FGF9: variants seen among roughly 807,000 people sequenced by gnomAD.
FGF9 encodes fibroblast growth factor 9.
FGF9 carries 3 observed loss-of-function variants against 19.9 expected under a neutral mutation model. That is an observed-to-expected ratio of 0.15 (90% CI 0.07 to 0.39). The LOEUF (loss-of-function observed/expected upper bound fraction) is 0.39, where lower values mean the gene tolerates loss of function less well. FGF9 is among the 10% of genes least tolerant of loss of function. FGF9 has a pLI of 1.00. For synonymous variants in FGF9, 107 were observed against 106.9 expected, an observed-to-expected ratio of 1.00 and a Z score of -0.01; for missense variants, 175 against 256.8, an observed-to-expected ratio of 0.68 and a Z score of 2.18.
chr13:21,677,769 G>A (rs186913473), intron 1 of FGF9, among the ~76,000 whole-genome samples: 7 of 152,308 alleles, frequency 4.6e-5, no homozygotes, highest in Admixed American at 4.6e-4. Context: ...TTATTTTGAC[G>A]TCTCTATTTT....
intron 2 of FGF9, among the ~76,000 whole-genome samples, chr13:21,693,869 C>T (rs576329549): frequency 2.0e-5 from 3 of 152,296 alleles, no homozygotes; most frequent in South Asian, 2.1e-4. Flanking sequence ...GAAGCGTGAA[C>T]GCAGTCTGTG....
intron 1 of FGF9, among the ~76,000 whole-genome samples, chr13:21,676,478 G>C (rs550068241): frequency 6.6e-6 from 1 of 152,292 alleles, no homozygotes; most frequent in East Asian, 1.9e-4. Context: ...GATTGCTTCA[G>C]GTTCTGGAAA....
intron 2 of FGF9, among the ~76,000 whole-genome samples, chr13:21,696,644 C>T (rs1191723076): frequency 1.3e-5 from 2 of 152,168 alleles, no homozygotes; most frequent in Admixed American, 6.5e-5. Context: ...TTCATCCGCA[C>T]ATCTATATAA....
chr13:21,677,523 C>T (rs947430027), intron 1 of FGF9, among the ~76,000 whole-genome samples: 1 of 152,044 alleles, frequency 6.6e-6, no homozygotes, highest in African/African-American at 2.4e-5. Flanking sequence ...CAGCTCCACC[C>T]CAGAGAGAGC....
intron 1 of FGF9, among the ~76,000 whole-genome samples, chr13:21,678,956 C>G (rs1871976853): frequency 6.6e-6 from 1 of 152,040 alleles, no homozygotes; most frequent in Non-Finnish European, 1.5e-5. Context: ...AATAAAATGC[C>G]ACAATTTTAG....
intron 2 of FGF9, among the ~76,000 whole-genome samples, chr13:21,682,733 G>T (rs1872071524): frequency 1.3e-5 from 2 of 150,068 alleles, no homozygotes; most frequent in African/African-American, 4.9e-5. Context: ...TGTAATGTGG[G>T]TTTGAGTGGG....
In FGF9 at chr13:21,671,693, G is replaced by A. The variant is rs1239611206; in HGVS notation, c.-220G>A. 1 of 615,696 alleles carries A rather than the reference G, an allele frequency of 1.6e-6. No homozygotes were observed. The highest frequency in any genetic ancestry group is 2.9e-6 in the Non-Finnish European group (1 of 348,524). The allele number at this position is 615,696 out of a possible 1,614,324, so 38.1% of individuals were successfully genotyped here. A position where few individuals can be genotyped will look rare whatever the true frequency, so the allele number is the denominator to read the frequency against. On this transcript the variant is annotated 5_prime_UTR_variant, in exon 1 of 3. Coordinates refer to ENST00000382353, the MANE Select transcript of FGF9 (RefSeq NM_002010.3). ...TGTCAGTGTGTGAGTATAAAGTGGT[G>A]GTTTCTTAGACTATCAGTGGTTTGA...
In FGF9 at chr13:21,703,127, A is replaced by G. The variant is rs1416069857; in HGVS notation, c.*1692A>G. The G allele has an allele frequency of 6.6e-6, 1 of 152,258 alleles. No individual in the cohort carries two copies. The highest frequency in any genetic ancestry group is 1.5e-5 in the Non-Finnish European group (1 of 68,042). The allele number at this position is 152,258 out of a possible 1,614,324, so 9.4% of individuals were successfully genotyped here. On this transcript the variant is annotated 3_prime_UTR_variant, in exon 3 of 3. Coordinates refer to ENST00000382353, the MANE Select transcript of FGF9 (RefSeq NM_002010.3). ...AAAAAGGAATTTATAACAAATTCTC[A>G]TCTACATATGACACTTTCTAGCCAG...
chr13:21,699,003 A>C (rs569719713), intron 2 of FGF9, among the ~76,000 whole-genome samples: 8 of 152,342 alleles, frequency 5.3e-5, no homozygotes, highest in African/African-American at 1.4e-4. Flanking sequence ...ATGCAAATGG[A>C]AGTAAGGACT....
rs1871760476 is a variant in FGF9, at chr13:21,671,296, C to T, written c.-617C>T. ...TAGCTTTGGACGCCTAAAGTTTCTTCTTCTTTTTGTTTTATTATTATTATC... is the reference window on the plus strand; with the variant it reads ...TAGCTTTGGACGCCTAAAGTTTCTTTTTCTTTTTGTTTTATTATTATTATC... On this transcript the variant is annotated 5_prime_UTR_variant, in exon 1 of 3. Transcript: ENST00000382353. 3 of 343,262 alleles carry T rather than the reference C, an allele frequency of 8.7e-6. No individual in the cohort carries two copies. The highest frequency in any genetic ancestry group is 8.6e-5 in the East Asian group (2 of 23,130). 21.3% of individuals were successfully genotyped at this position (343,262 alleles called of 1,614,324 possible). A position where few individuals can be genotyped will look rare whatever the true frequency, so the allele number is the denominator to read the frequency against.
At position 21,671,340 on chromosome 13, in the gene FGF9, C is replaced by T. The variant is rs998931240; in HGVS notation, c.-573C>T. 2.0e-5 allele frequency: 8 copies of T among 392,094 alleles called. No individual in the cohort carries two copies. The highest frequency in any genetic ancestry group is 3.6e-5 in the Non-Finnish European group (8 of 223,038). The allele number at this position is 392,094 out of a possible 1,614,324, so 24.3% of individuals were successfully genotyped here. Reference sequence around the variant, plus strand: ...TATTATCATTTTTTGGAGGGGGGACCGGGAGGGGAGATTTGTCGCCGCCAC... The same window carrying T: ...TATTATCATTTTTTGGAGGGGGGACTGGGAGGGGAGATTTGTCGCCGCCAC... On this transcript the variant is annotated 5_prime_UTR_variant, in exon 1 of 3. Transcript: ENST00000382353.
At chr13:21,694,152 C>T (rs1593098488) in intron 2 of FGF9, among the ~76,000 whole-genome samples, 1 of 152,084 alleles carries the variant, frequency 6.6e-6, no homozygotes, top group South Asian at 2.1e-4. Context: ...GAATGTTAAT[C>T]GACTCACCCA....
rs1872537487 is a variant in FGF9 at position 21,701,336 on chromosome 13, T to C, written c.528T>C (p.Thr176=). 1 of 1,613,370 alleles carries C rather than the reference T, an allele frequency of 6.2e-7. No homozygotes were observed. Among genetic ancestry groups the C allele is most frequent in the Non-Finnish European group, 8.5e-7 (1 of 1,179,788 alleles). ...AAGATGGGACCCCGAGAGAAGGGAC[T>C]AGGACTAAACGGCACCAGAAATTCA... ...LNKDGTPREG[T]RTKRHQKFTH... The change falls in exon 3 of 3, where the codon ACT becomes ACC. Residue 176 remains threonine, a synonymous_variant. Coordinates refer to ENST00000382353, the MANE Select transcript of FGF9 (RefSeq NM_002010.3).
In FGF9 at chr13:21,701,249, G is replaced by C. The variant is rs764396440; in HGVS notation, c.441G>C (p.Thr147=). The change falls in exon 3 of 3, where the codon ACG becomes ACC. Residue 147 remains threonine, a synonymous_variant. Coordinates refer to ENST00000382353, the MANE Select transcript of FGF9 (RefSeq NM_002010.3). ...AGTTCGAAGAAAACTGGTATAATAC[G>C]TACTCATCAAACCTATATAAGCACG... is the stretch of plus-strand genomic sequence containing the variant. ...REQFEENWYN[T]YSSNLYKHVD... 5.6e-6 allele frequency: 9 copies of C among 1,613,490 alleles called. No individual in the cohort carries two copies. The South Asian group carries it at 7.7e-5, about 14-fold the overall frequency.
Position 21,671,945 on chromosome 13 carries a change from C to T in FGF9, c.33C>T (p.Phe11=), listed in dbSNP as rs770172531. The T allele has an allele frequency of 6.2e-6, 10 of 1,614,074 alleles. No homozygotes were observed. Among genetic ancestry groups the T allele is most frequent in the South Asian group, 5.5e-5 (5 of 91,094 alleles). ...CCTTAGGTGAAGTTGGGAACTATTT[C>T]GGTGTGCAGGATGCGGTACCGTTTG... The part of the protein sequence containing the change: MAPLGEVGNY[F]GVQDAVPFGN... The change falls in exon 1 of 3, where the codon TTC becomes TTT. Residue 11 remains phenylalanine, a synonymous_variant. Transcript: ENST00000382353.
chr13:21,675,168 G>A (rs1316458868), intron 1 of FGF9, among the ~76,000 whole-genome samples: 1 of 152,032 alleles, frequency 6.6e-6, no homozygotes, highest in Non-Finnish European at 1.5e-5. Flanking sequence ...AGGGCGCTCT[G>A]GCGCTCCGCT....
intron 1 of FGF9, among the ~76,000 whole-genome samples, chr13:21,676,362 A>T (rs1377687179): frequency 6.6e-6 from 1 of 152,150 alleles, no homozygotes; most frequent in South Asian, 2.1e-4. Context: ...TTTTTTAAAC[A>T]GGTGTTTAAA....
At chr13:21,683,870 C>T (rs1427298321) in intron 2 of FGF9, among the ~76,000 whole-genome samples, 1 of 152,238 alleles carries the variant, frequency 6.6e-6, no homozygotes, top group African/African-American at 2.4e-5. Context: ...CACAGAGATC[C>T]CTTCAAATTC....
At chr13:21,696,973 T>A (rs898299263) in intron 2 of FGF9, among the ~76,000 whole-genome samples, 4 of 152,216 alleles carry the variant, frequency 2.6e-5, no homozygotes, top group African/African-American at 9.6e-5. Context: ...TCTAAACTGA[T>A]CTGTGTGGCA....
Sources: gnomAD v4.1 joint callset for allele counts (sites outside exome capture counted in the v4.1 genomes callset) on GRCh38, gnomAD v4.1.1 for gene constraint, MANE v1.5 for transcripts, NCBI Gene and HGNC (gene_info 2026-07-23, HGNC 2026-07-21) for gene names.